The following ASB13 variants were observed in gnomAD, a reference collection of about 807,000 sequenced individuals.
The protein encoded by ASB13 is ankyrin repeat and SOCS box protein 13.
Under a neutral mutation model 28.8 loss-of-function variants are expected in ASB13, and 33 were observed. The observed-to-expected ratio is 1.15, with a 90% CI of 0.87 to 1.53. The LOEUF (loss-of-function observed/expected upper bound fraction) is 1.53, where lower values mean the gene tolerates loss of function less well. Ranked by LOEUF, ASB13 falls within the 40% of genes most tolerant of loss-of-function variation. ASB13 has a pLI of 0.00. For missense variants in ASB13, 414 were observed against 390.1 expected, an observed-to-expected ratio of 1.06 and a Z score of -0.52; for synonymous variants, 182 against 172.9, an observed-to-expected ratio of 1.05 and a Z score of -0.41.
chr10:5,664,068 G>A lies in ASB13; in HGVS notation c.43+2441C>T, dbSNP rs1294733072. Among the ~76,000 whole-genome samples the A allele has an allele frequency of 6.6e-6, 1 of 152,178 alleles. No individual in the cohort carries two copies. The highest frequency in any genetic ancestry group is 2.4e-5 in the African/African-American group (1 of 41,436). On this transcript the variant is annotated intron_variant, in intron 1 of 5. Coordinates refer to ENST00000357700, the MANE Select transcript of ASB13 (RefSeq NM_024701.4). This position sits in a 1 kb window ranked among gnomAD's most constrained non-coding sequence, Gnocchi z 4.2. ...GATTTCCAGACCATCGGGGGAGCTG[G>A]AGAGCAGGCTGGTGCAGTGGCTAAC...
intron 1 of ASB13, among the ~76,000 whole-genome samples, chr10:5,665,749 T>G (rs1227661512): frequency 6.6e-6 from 1 of 152,230 alleles, no homozygotes; most frequent in Non-Finnish European, 1.5e-5. Flanking sequence ...CCTTAAGACT[T>G]TTCCCTCTTA....
In ASB13 at chr10:5,650,107, T is replaced by C. The variant is rs2131447868; in HGVS notation, c.383-1003A>G. 6.6e-6 allele frequency among the ~76,000 whole-genome samples: 1 copy of C among 152,224 alleles called. No individual in the cohort carries two copies. Reference sequence around the variant, plus strand: ...TTGCTCCTGACTCAAACCTGACTCATTTCTGACCTCTTGAGCCTCCCCTTC... The same window carrying C: ...TTGCTCCTGACTCAAACCTGACTCACTTCTGACCTCTTGAGCCTCCCCTTC... On this transcript the variant is annotated intron_variant, in intron 3 of 5. Transcript: ENST00000357700. The surrounding 1 kb of genome is among the most constrained non-coding windows in gnomAD (Gnocchi z 6.0).
In ASB13 at chr10:5,640,817, A is replaced by G. The variant is rs756957812; in HGVS notation, c.723T>C (p.Thr241=). The part of the protein sequence containing the change: ...CFEYYEKTPL[T]LSQLCRVNLR... Reference sequence around the variant, plus strand: ...AGTTCACCCTGCAGAGCTGTGACAGAGTCAGAGGTGTCTCTGAAAAAGGGA... The same window carrying G: ...AGTTCACCCTGCAGAGCTGTGACAGGGTCAGAGGTGTCTCTGAAAAAGGGA... Residue 241 remains threonine, a synonymous_variant, in exon 6 of 6, where the codon ACT becomes ACC. Coordinates refer to ENST00000357700, the MANE Select transcript of ASB13 (RefSeq NM_024701.4). 1 of 1,614,024 alleles carries G rather than the reference A, an allele frequency of 6.2e-7. No homozygotes were observed. Among genetic ancestry groups the G allele is most frequent in the Non-Finnish European group, 8.5e-7 (1 of 1,180,024 alleles).
At chr10:5,646,427 C>T (rs1213363873) in intron 4 of ASB13, among the ~76,000 whole-genome samples, 1 of 152,344 alleles carries the variant, frequency 6.6e-6, no homozygotes, top group East Asian at 1.9e-4. Flanking sequence ...GCTGAAAGAG[C>T]CTCCAGAAGG....
Position 5,652,980 on chromosome 10 carries a change from C to T in ASB13, c.114G>A (p.Leu38=), listed in dbSNP as rs1394676191. 1 of 1,555,742 alleles carries T rather than the reference C, an allele frequency of 6.4e-7. No individual in the cohort carries two copies. Residue 38 remains leucine, a synonymous_variant, in exon 2 of 6, where the codon CTG becomes CTA. Transcript: ENST00000357700. This position sits in a 1 kb window ranked among gnomAD's most constrained non-coding sequence, Gnocchi z 5.0. ...GGTTCACGCAGGCGCCGCTCTCGAT[C>T]AGCTGTTGCAGCTGCAGGCTCTCAC... is the stretch of plus-strand genomic sequence containing the variant. ...QRGESLQLQQ[L]IESGACVNQV...
chr10:5,645,316 T>A lies in ASB13; in HGVS notation c.518-3355A>T, dbSNP rs1405343841. On this transcript the variant is annotated intron_variant, in intron 4 of 5. Coordinates refer to ENST00000357700, the MANE Select transcript of ASB13 (RefSeq NM_024701.4). The surrounding 1 kb of genome is among the most constrained non-coding windows in gnomAD (Gnocchi z 5.4). ...AAACAACAATTTTAAAAAAATTTTT[T>A]AAATTGTGCCAGGGCCAGTGCTAAG... Among the ~76,000 whole-genome samples, 1 of 152,124 alleles carries A rather than the reference T, an allele frequency of 6.6e-6. No individual in the cohort carries two copies. Among genetic ancestry groups the A allele is most frequent in the African/African-American group, 2.4e-5 (1 of 41,416 alleles).
chr10:5,664,484 C>T lies in ASB13; in HGVS notation c.43+2025G>A, dbSNP rs139969150. Among the ~76,000 whole-genome samples the T allele has an allele frequency of 1.5e-4, 22 of 151,124 alleles. No individual in the cohort carries two copies. The highest frequency in any genetic ancestry group is 5.1e-4 in the African/African-American group (21 of 41,222). ...CACAAAAAGAGAAACATAGTCCCCA[C>T]ATAGCAAGTGGCTCAGCTGCAATAT... On this transcript the variant is annotated intron_variant, in intron 1 of 5. Transcript: ENST00000357700. The surrounding 1 kb of genome is among the most constrained non-coding windows in gnomAD (Gnocchi z 4.2).
In ASB13 at chr10:5,649,532, C is replaced by CT. The variant is rs748320784; in HGVS notation, c.383-429dup. ...ACCACGGCAGCCGCCTCTCCTGCCT[C>CT]TTTTTTTTTTTTAGACAAAGTCTCA... On this transcript the variant is annotated intron_variant, in intron 3 of 5. Coordinates refer to ENST00000357700, the MANE Select transcript of ASB13 (RefSeq NM_024701.4). This position sits in a 1 kb window ranked among gnomAD's most constrained non-coding sequence, Gnocchi z 6.4. Among the ~76,000 whole-genome samples the CT allele has an allele frequency of 4.4e-3, 630 of 144,104 alleles. 6 individuals carry two copies. Among genetic ancestry groups the CT allele is most frequent in the African/African-American group, 0.013 (518 of 39,642 alleles). 94.5% of individuals were successfully genotyped at this position (144,104 alleles called of 152,430 possible).
Position 5,651,653 on chromosome 10 carries a change from C to G in ASB13, c.232-290G>C, listed in dbSNP as rs1200556788. 3.3e-6 allele frequency: 1 copy of G among 299,888 alleles called. No homozygotes were observed. The highest frequency in any genetic ancestry group is 2.2e-5 in the African/African-American group (1 of 45,804). 18.6% of individuals were successfully genotyped at this position (299,888 alleles called of 1,614,324 possible). On this transcript the variant is annotated intron_variant, in intron 2 of 5. Transcript: ENST00000357700. The surrounding 1 kb of genome is among the most constrained non-coding windows in gnomAD (Gnocchi z 5.1). Reference sequence around the variant, plus strand: ...AACACCTAGTAAGCACAGAGCAGGACAGGGGAACCCTAGGCTGCAAGCTGG... The same window carrying G: ...AACACCTAGTAAGCACAGAGCAGGAGAGGGGAACCCTAGGCTGCAAGCTGG...
rs1482099569 is a variant in ASB13, at chr10:5,664,195, A to G, written c.43+2314T>C. ...GCACTGAACGCAAAGGGATGCGCAA[A>G]TCCCCATAAACAACAGGAAGACACC... On this transcript the variant is annotated intron_variant, in intron 1 of 5. Transcript: ENST00000357700. This position sits in a 1 kb window ranked among gnomAD's most constrained non-coding sequence, Gnocchi z 4.2. 1.3e-5 allele frequency among the ~76,000 whole-genome samples: 2 copies of G among 152,030 alleles called. No individual in the cohort carries two copies. The highest frequency in any genetic ancestry group is 4.8e-5 in the African/African-American group (2 of 41,368).
Position 5,656,713 on chromosome 10 carries a change from T to C in ASB13, c.44-3663A>G, listed in dbSNP as rs1835081498. 6.6e-6 allele frequency among the ~76,000 whole-genome samples: 1 copy of C among 152,248 alleles called. No homozygotes were observed. Among genetic ancestry groups the C allele is most frequent in the South Asian group, 2.1e-4 (1 of 4,834 alleles). ...TAACTCTGGGATTAAAAGGAAAGCATGTAAACAACTAGCTATGTTTTGTTA... is the reference window on the plus strand; with the variant it reads ...TAACTCTGGGATTAAAAGGAAAGCACGTAAACAACTAGCTATGTTTTGTTA... On this transcript the variant is annotated intron_variant, in intron 1 of 5. Transcript: ENST00000357700. The surrounding 1 kb of genome is among the most constrained non-coding windows in gnomAD (Gnocchi z 4.3).
chr10:5,666,452 C>T, intron 1 of ASB13, 57 bp downstream of exon 1: 2 of 1,254,988 alleles, frequency 1.6e-6, no homozygotes, highest in Non-Finnish European at 2.0e-6. Flanking sequence ...GATACGCGGC[C>T]GGCCTCAGGA....
chr10:5,652,723 G>T lies in ASB13; in HGVS notation c.231+140C>A. 1 of 895,826 alleles carries T rather than the reference G, an allele frequency of 1.1e-6. No individual in the cohort carries two copies. Among genetic ancestry groups the T allele is most frequent in the Non-Finnish European group, 1.5e-6 (1 of 645,342 alleles). The allele number at this position is 895,826 out of a possible 1,614,324, so 55.5% of individuals were successfully genotyped here. On this transcript the variant is annotated intron_variant, in intron 2 of 5. Transcript: ENST00000357700. This position sits in a 1 kb window ranked among gnomAD's most constrained non-coding sequence, Gnocchi z 5.0. ...CAGCCAGGTCCACGAGCACTTCTCA[G>T]CCATGGGCTTCCTGGTACCTGTGTG...
At position 5,642,048 on chromosome 10, in the gene ASB13, G is replaced by A. The variant is rs761679227; in HGVS notation, c.518-87C>T. ...TCAGGTCCGTTTCGTCACACAGCAC[G>A]GTGGCAGAAGCAATCCCCACCCAGA... On this transcript the variant is annotated intron_variant, in intron 4 of 5. Coordinates refer to ENST00000357700, the MANE Select transcript of ASB13 (RefSeq NM_024701.4). This position sits in a 1 kb window ranked among gnomAD's most constrained non-coding sequence, Gnocchi z 4.1. 80 of 1,318,304 alleles carry A rather than the reference G, an allele frequency of 6.1e-5. No homozygotes were observed. The highest frequency in any genetic ancestry group is 2.2e-4 in the Middle Eastern group (1 of 4,506). 81.7% of individuals were successfully genotyped at this position (1,318,304 alleles called of 1,614,324 possible).
rs879877788 is a variant in ASB13 at position 5,652,968 on chromosome 10, G to C, written c.126C>G (p.Gly42=). 6 of 1,564,580 alleles carry C rather than the reference G, an allele frequency of 3.8e-6. No individual in the cohort carries two copies. In the African/African-American group the frequency reaches 8.1e-5, roughly 21 times the overall value. The part of the protein sequence containing the change: ...SLQLQQLIES[G]ACVNQVTVDS... ...CCACGGTGACCTGGTTCACGCAGGC[G>C]CCGCTCTCGATCAGCTGTTGCAGCT... The change falls in exon 2 of 6, where the codon GGC becomes GGG. Residue 42 remains glycine, a synonymous_variant. Transcript: ENST00000357700. This position sits in a 1 kb window ranked among gnomAD's most constrained non-coding sequence, Gnocchi z 5.0.
rs1835000705 is a variant in ASB13 at position 5,652,258 on chromosome 10, G to A, written c.231+605C>T. Among the ~76,000 whole-genome samples the A allele has an allele frequency of 6.6e-6, 1 of 152,136 alleles. No individual in the cohort carries two copies. Among genetic ancestry groups the A allele is most frequent in the African/African-American group, 2.4e-5 (1 of 41,420 alleles). Reference sequence around the variant, plus strand: ...TTTTGGGAAGAGTAAACAGTACACTGTCTTCCCTTCTTCCTCACCCCTTGA... The same window carrying A: ...TTTTGGGAAGAGTAAACAGTACACTATCTTCCCTTCTTCCTCACCCCTTGA... On this transcript the variant is annotated intron_variant, in intron 2 of 5. Transcript: ENST00000357700. The surrounding 1 kb of genome is among the most constrained non-coding windows in gnomAD (Gnocchi z 5.0).
rs1191398809 is a variant in ASB13 at position 5,656,798 on chromosome 10, C to T, written c.44-3748G>A. 6.6e-6 allele frequency among the ~76,000 whole-genome samples: 1 copy of T among 152,188 alleles called. No homozygotes were observed. Among genetic ancestry groups the T allele is most frequent in the African/African-American group, 2.4e-5 (1 of 41,434 alleles). ...CAAAGATGTTCCCAACCTCCTAGGA[C>T]CTTCACTGGTGCCCAGATGTCACTG... is the stretch of plus-strand genomic sequence containing the variant. On this transcript the variant is annotated intron_variant, in intron 1 of 5. Transcript: ENST00000357700. The surrounding 1 kb of genome is among the most constrained non-coding windows in gnomAD (Gnocchi z 4.3).
chr10:5,665,351 T>C (rs891246615), intron 1 of ASB13, among the ~76,000 whole-genome samples: 2 of 152,184 alleles, frequency 1.3e-5, no homozygotes, highest in African/African-American at 4.8e-5. Context: ...GGGAGAAATA[T>C]ATTAAATAAA....
Position 5,649,293 on chromosome 10 carries a change from C to T in ASB13, c.383-189G>A, listed in dbSNP as rs143064095. On this transcript the variant is annotated intron_variant, in intron 3 of 5. Coordinates refer to ENST00000357700, the MANE Select transcript of ASB13 (RefSeq NM_024701.4). This position sits in a 1 kb window ranked among gnomAD's most constrained non-coding sequence, Gnocchi z 6.4. Reference sequence around the variant, plus strand: ...CTCAGGAAGCCAGGACACGGCTCTGCGCCCCGCTGAGGACGGAGGGCTCAA... The same window carrying T: ...CTCAGGAAGCCAGGACACGGCTCTGTGCCCCGCTGAGGACGGAGGGCTCAA... Among the ~76,000 whole-genome samples, 117 of 152,304 alleles carry T rather than the reference C, an allele frequency of 7.7e-4. No homozygotes were observed. The East Asian group carries it at 0.013, about 16-fold the overall frequency.
Sources: gnomAD v4.1 joint callset for allele counts (sites outside exome capture counted in the v4.1 genomes callset) on GRCh38, gnomAD v4.1.1 for gene constraint, Gnocchi (gnomAD v3.1) non-coding constraint, MANE v1.5 for transcripts, NCBI Gene and HGNC (gene_info 2026-07-23, HGNC 2026-07-21) for gene names.